The following PCDHGA7 variants were observed in gnomAD, a reference collection of about 807,000 sequenced individuals.
The protein encoded by PCDHGA7 is protocadherin gamma subfamily A, 7.
In PCDHGA7, 44 loss-of-function variants were observed where a neutral mutation model predicts 58.3. The observed-to-expected ratio is 0.75, with a 90% confidence interval of 0.59 to 0.97. PCDHGA7 has a LOEUF of 0.97. PCDHGA7 is among the 50% of genes least tolerant of loss of function. The pLI, the probability that PCDHGA7 is intolerant of heterozygous loss-of-function variation, is 0.00. For missense variants in PCDHGA7, 1,266 were observed against 1,188.7 expected (o/e 1.06, Z -0.96); for synonymous variants, 516 against 504.2 (o/e 1.02, Z -0.31).
chr5:141,408,897 T>C (rs1156707427), intron 1 of PCDHGA7: 1 of 1,613,118 alleles, frequency 6.2e-7, no homozygotes, highest in East Asian at 2.2e-5. Context: ...GAAATTTCTG[T>C]CAAGGATACC....
At chr5:141,400,077 C>T in intron 1 of PCDHGA7, 4 of 1,614,040 alleles carry the variant, frequency 2.5e-6, no homozygotes, top group South Asian at 1.1e-5. Context: ...AGCCGCCACT[C>T]TCCGCCACCG....
At chr5:141,462,540 TTTC>T (rs2099042260) in intron 1 of PCDHGA7, among the ~76,000 whole-genome samples, 1 of 152,204 alleles carries the variant, frequency 6.6e-6, no homozygotes, top group East Asian at 1.9e-4. Flanking sequence ...TCAGTGATCT[TTTC>T]TTCTTCAGTG....
chr5:141,431,736 G>T lies in PCDHGA7; in HGVS notation c.2424+46413G>T. On this transcript the variant is annotated intron_variant, in intron 1 of 3. Transcript: ENST00000518325. The surrounding 1 kb of genome is among the most constrained non-coding windows in gnomAD (Gnocchi z 4.8). ...GAAGTGCAAGCAATGGATAATGCAG[G>T]ATATTCTGCGCGAGCCAAAGTCCTG... 1 of 1,614,218 alleles carries T rather than the reference G, an allele frequency of 6.2e-7. No individual in the cohort carries two copies. The highest frequency in any genetic ancestry group is 8.5e-7 in the Non-Finnish European group (1 of 1,180,046).
At chr5:141,385,488 T>G in intron 1 of PCDHGA7, 165 bp downstream of exon 1, 1 of 1,400,248 alleles carries the variant, frequency 7.1e-7, no homozygotes, top group Non-Finnish European at 9.3e-7. Flanking sequence ...ATAGAACACA[T>G]AGGATATAGT....
intron 1 of PCDHGA7, chr5:141,388,609 T>G: frequency 6.2e-7 from 1 of 1,613,926 alleles, no homozygotes; most frequent in Non-Finnish European, 8.5e-7. Context: ...GCTCCAGTGT[T>G]CAGTCAAGAC....
intron 1 of PCDHGA7, among the ~76,000 whole-genome samples, chr5:141,457,912 C>T (rs991917175): frequency 1.3e-5 from 2 of 152,120 alleles, no homozygotes; most frequent in African/African-American, 4.8e-5. Context: ...GGTGTGAGGC[C>T]AGTTCTCCCC....
chr5:141,450,835 T>TA lies in PCDHGA7; in HGVS notation c.2425-43972_2425-43971insA, dbSNP rs1438371595. ...ATTTAATATTATTATTATTATTTTT[T>TA]TTTTTTTGAGATGGGGTCTTGCTCT... is the stretch of plus-strand genomic sequence containing the variant. On this transcript the variant is annotated intron_variant, in intron 1 of 3. Coordinates refer to ENST00000518325, the MANE Select transcript of PCDHGA7 (RefSeq NM_018920.4). 4.0e-3 allele frequency among the ~76,000 whole-genome samples: 570 copies of TA among 142,160 alleles called. 3 individuals are homozygous for TA. The highest frequency in any genetic ancestry group is 0.015 in the Middle Eastern group (4 of 270). The allele number at this position is 142,160 out of a possible 152,430, so 93.3% of individuals were successfully genotyped here.
chr5:141,427,975 C>T lies in PCDHGA7; in HGVS notation c.2424+42652C>T, dbSNP rs757718263. ...AATGTGCCGCGGGTGCTGTACCCCGCGCTGGGGCCCGATGGCTCCGCACTC... is the reference window on the plus strand; with the variant it reads ...AATGTGCCGCGGGTGCTGTACCCCGTGCTGGGGCCCGATGGCTCCGCACTC... On this transcript the variant is annotated intron_variant, in intron 1 of 3. Transcript: ENST00000518325. The T allele has an allele frequency of 1.9e-6, 3 of 1,594,600 alleles. No individual in the cohort carries two copies. In the South Asian group the frequency reaches 3.3e-5, roughly 18 times the overall value.
At chr5:141,403,225 C>T (rs2154532251) in intron 1 of PCDHGA7, 2 of 1,613,958 alleles carry the variant, frequency 1.2e-6, no homozygotes, top group Non-Finnish European at 1.7e-6. Flanking sequence ...GTAGGATAGA[C>T]CGGGAGGAGC....
chr5:141,452,652 C>T (rs1420422511), intron 1 of PCDHGA7, among the ~76,000 whole-genome samples: 1 of 151,916 alleles, frequency 6.6e-6, no homozygotes. Flanking sequence ...TCATTTGCTC[C>T]ATCCACTGCA....
At chr5:141,399,728 G>A in intron 1 of PCDHGA7, 1 of 1,613,276 alleles carries the variant, frequency 6.2e-7, no homozygotes, top group East Asian at 2.2e-5. Flanking sequence ...CGCGACCAGG[G>A]CTCGCCTGCG....
At chr5:141,398,893 C>G in intron 1 of PCDHGA7, 1 of 1,613,962 alleles carries the variant, frequency 6.2e-7, no homozygotes, top group Admixed American at 1.7e-5. Flanking sequence ...GGAAAACGTG[C>G]CACCAGGCAC....
intron 1 of PCDHGA7, among the ~76,000 whole-genome samples, chr5:141,407,684 G>C (rs2094967978): frequency 6.6e-6 from 1 of 152,094 alleles, no homozygotes; most frequent in South Asian, 2.1e-4. Flanking sequence ...GATTGGCTTT[G>C]TGGTGATCAT....
In PCDHGA7 at chr5:141,491,679, T is replaced by G. The variant is rs111288145; in HGVS notation, c.2425-3128T>G. 1 of 1,613,496 alleles carries G rather than the reference T, an allele frequency of 6.2e-7. No individual in the cohort carries two copies. Among genetic ancestry groups the G allele is most frequent in the Non-Finnish European group, 8.5e-7 (1 of 1,179,828 alleles). On this transcript the variant is annotated intron_variant, in intron 1 of 3. Coordinates refer to ENST00000518325, the MANE Select transcript of PCDHGA7 (RefSeq NM_018920.4). The surrounding 1 kb of genome is among the most constrained non-coding windows in gnomAD (Gnocchi z 6.9). ...CTGACGCCATCCGGTCCCGCTCTAA[T>G]ACGCTGCGGGAGCGGAGCCAGGTGA...
At chr5:141,427,092 G>T in intron 1 of PCDHGA7, 1 of 458,134 alleles carries the variant, frequency 2.2e-6, no homozygotes, top group Non-Finnish European at 4.4e-6. Flanking sequence ...CCAGGATGAG[G>T]GTGTCAATGC....
rs764389909 is a variant in PCDHGA7, at chr5:141,491,064, ACTGTTG to A, written c.2425-3741_2425-3736del. On this transcript the variant is annotated intron_variant, in intron 1 of 3. Transcript: ENST00000518325. The surrounding 1 kb of genome is among the most constrained non-coding windows in gnomAD (Gnocchi z 6.9). ...GCCACAATGCGTGGCTCTCCTACTCACTGTTGCCACAGTCCACAGCCCCAGGACTGT... is the reference window on the plus strand; with the variant it reads ...GCCACAATGCGTGGCTCTCCTACTCACCACAGTCCACAGCCCCAGGACTGT... 1.2e-6 allele frequency: 2 copies of A among 1,613,962 alleles called. No homozygotes were observed. Among genetic ancestry groups the A allele is most frequent in the Admixed American group, 3.3e-5 (2 of 60,010 alleles).
At chr5:141,488,385 G>A (rs917106670) in intron 1 of PCDHGA7, among the ~76,000 whole-genome samples, 11 of 152,164 alleles carry the variant, frequency 7.2e-5, no homozygotes, top group Non-Finnish European at 1.5e-5. Context: ...TCCTGAATTT[G>A]GTGAAACCAT....
Position 141,476,373 on chromosome 5 carries a change from T to C in PCDHGA7, c.2425-18434T>C. 1 of 1,614,054 alleles carries C rather than the reference T, an allele frequency of 6.2e-7. No individual in the cohort carries two copies. Among genetic ancestry groups the C allele is most frequent in the Non-Finnish European group, 8.5e-7 (1 of 1,180,020 alleles). On this transcript the variant is annotated intron_variant, in intron 1 of 3. Transcript: ENST00000518325. This position sits in a 1 kb window ranked among gnomAD's most constrained non-coding sequence, Gnocchi z 7.6. ...GAGGTGAACCGGGAGACCGGAGAGA[T>C]GTTTGTGAACGACCGTCTGGATCGA...
intron 2 of PCDHGA7, among the ~76,000 whole-genome samples, chr5:141,497,905 C>T (rs1052659134): frequency 6.6e-6 from 1 of 152,178 alleles, no homozygotes; most frequent in Non-Finnish European, 1.5e-5. Context: ...GTAACTTCAA[C>T]TTCTCTCCTT....
Sources: gnomAD v4.1 joint callset for allele counts (sites outside exome capture counted in the v4.1 genomes callset) on GRCh38, gnomAD v4.1.1 for gene constraint, Gnocchi (gnomAD v3.1) non-coding constraint, MANE v1.5 for transcripts, NCBI Gene and HGNC (gene_info 2026-07-23, HGNC 2026-07-21) for gene names.